CNTN1: variants seen among roughly 807,000 people sequenced by gnomAD.
CNTN1 encodes the protein contactin-1.
Under a neutral mutation model 126.4 loss-of-function variants are expected in CNTN1, and 38 were observed. The ratio of observed to expected loss-of-function variants is 0.30; its 90% CI spans 0.23 to 0.39. The LOEUF (loss-of-function observed/expected upper bound fraction) is 0.39, where lower values mean the gene tolerates loss of function less well. CNTN1 is among the 10% of genes least tolerant of loss of function. The pLI is 1.00. For synonymous variants in CNTN1, 413 were observed against 422.6 expected, an observed-to-expected ratio of 0.98 and a Z score of 0.28; for missense variants, 1,009 against 1,248.4, an observed-to-expected ratio of 0.81 and a Z score of 2.89.
At chr12:40,922,591 G>A (rs1436847254) in intron 5 of CNTN1, among the ~76,000 whole-genome samples, 163 bp downstream of exon 5, 1 of 152,098 alleles carries the variant, frequency 6.6e-6, no homozygotes, top group Non-Finnish European at 1.5e-5. Flanking sequence ...GCACCACAAG[G>A]CATACTATGA....
intron 1 of CNTN1, among the ~76,000 whole-genome samples, chr12:40,807,053 C>T (rs73114720): frequency 3.3e-5 from 5 of 151,944 alleles, no homozygotes; most frequent in South Asian, 2.1e-4. Flanking sequence ...AGCACAGGAA[C>T]GGTACAGAAT....
At position 41,014,260 on chromosome 12, in the gene CNTN1, G is replaced by A. The variant is rs1299674857; in HGVS notation, c.2146G>A (p.Gly716Arg). Residue 716 changes from glycine to arginine, a missense_variant, in exon 18 of 24, where the codon GGA (glycine) becomes AGA (arginine). Physicochemically the swap from Gly to Arg is moderately radical, Grantham distance 125 (BLOSUM62 -2). Transcript: ENST00000551295. ...PNVAPSDVGG[G>R]GGRNRELTIT... ...TGTGGCTCCTTCAGATGTAGGAGGT[G>A]GAGGTGGAAGAAACAGAGAGCTGAC... 1.6e-5 allele frequency: 26 copies of A among 1,613,964 alleles called. No homozygotes were observed. The highest frequency in any genetic ancestry group is 2.2e-5 in the South Asian group (2 of 91,078).
At chr12:40,879,259 C>A (rs1210681991) in intron 1 of CNTN1, among the ~76,000 whole-genome samples, 1 of 152,090 alleles carries the variant, frequency 6.6e-6, no homozygotes, top group Non-Finnish European at 1.5e-5. Flanking sequence ...CAGCTCTTTT[C>A]GAAAACCAGT....
Position 41,064,128 on chromosome 12 carries a change from C to G in CNTN1, c.2981-5831C>G, listed in dbSNP as rs188947439. On this transcript the variant is annotated intron_variant, in intron 23 of 23. Transcript: ENST00000551295. ...GGCAGAGCTTTCAGTTAGCCGAGATCGCGCCACTGCACTGCAGCCTGGGCG... is the reference window on the plus strand; with the variant it reads ...GGCAGAGCTTTCAGTTAGCCGAGATGGCGCCACTGCACTGCAGCCTGGGCG... Among the ~76,000 whole-genome samples, 18 of 149,698 alleles carry G rather than the reference C, an allele frequency of 1.2e-4. No homozygotes were observed. In the East Asian group the frequency reaches 3.2e-3, roughly 26 times the overall value.
At chr12:40,900,462 C>T (rs1944564993) in intron 1 of CNTN1, among the ~76,000 whole-genome samples, 1 of 151,942 alleles carries the variant, frequency 6.6e-6, no homozygotes, top group Non-Finnish European at 1.5e-5. Flanking sequence ...TGGTTAGGTG[C>T]CTTGTAAAGT....
chr12:40,940,438 G>C (rs1416890181), intron 12 of CNTN1, among the ~76,000 whole-genome samples: 1 of 152,028 alleles, frequency 6.6e-6, no homozygotes, highest in Admixed American at 6.6e-5. Flanking sequence ...AACAAGGGAG[G>C]ACAAGGATCA....
rs75574197 is a variant in CNTN1 at position 40,908,415 on chromosome 12, A to G, written c.-18A>G. 1.1e-5 allele frequency: 17 copies of G among 1,611,296 alleles called. No homozygotes were observed. Among genetic ancestry groups the G allele is most frequent in the Non-Finnish European group, 1.4e-5 (17 of 1,178,030 alleles). On this transcript the variant is annotated 5_prime_UTR_variant, in exon 2 of 24. Transcript: ENST00000551295. ...ATTCTTTTTTGGAAAATTGAACCGAACTTCTACTGAATACAAGATGAAAAT... is the reference window on the plus strand; with the variant it reads ...ATTCTTTTTTGGAAAATTGAACCGAGCTTCTACTGAATACAAGATGAAAAT...
chr12:40,791,739 C>T (rs376704668), intron 1 of CNTN1, among the ~76,000 whole-genome samples: 114 of 152,044 alleles, frequency 7.5e-4, no homozygotes, highest in East Asian at 2.1e-3. Context: ...TGTTAAGATA[C>T]GCAAAAATGG....
intron 1 of CNTN1, among the ~76,000 whole-genome samples, chr12:40,716,839 T>C (rs1057401235): frequency 2.0e-5 from 3 of 152,226 alleles, no homozygotes; most frequent in African/African-American, 7.2e-5. Flanking sequence ...AAGGAACCCA[T>C]GTAGAAATCA....
chr12:40,908,288 C>G, intron 1 of CNTN1, 69 bp from the exon 2 acceptor site: 1 of 608,772 alleles, frequency 1.6e-6, no homozygotes, highest in Non-Finnish European at 2.9e-6. Context: ...CTCCTCTCCT[C>G]CTCTCCCCTT....
intron 17 of CNTN1, among the ~76,000 whole-genome samples, chr12:41,006,592 C>T (rs1045154510): frequency 6.6e-6 from 1 of 152,224 alleles, no homozygotes; most frequent in Non-Finnish European, 1.5e-5. Flanking sequence ...AAAGAATTTA[C>T]ATAGCTAATA....
intron 1 of CNTN1, among the ~76,000 whole-genome samples, chr12:40,694,962 T>A (rs931923788): frequency 6.6e-6 from 1 of 152,216 alleles, no homozygotes; most frequent in Non-Finnish European, 1.5e-5. Context: ...CATAGGTATG[T>A]ATCAACTAAA....
intron 17 of CNTN1, among the ~76,000 whole-genome samples, chr12:40,994,429 C>T (rs962221316): frequency 4.6e-5 from 7 of 152,086 alleles, no homozygotes; most frequent in Admixed American, 4.6e-4. Context: ...TAGTATTTTT[C>T]TGCAATTTTA....
chr12:41,019,763 AT>A (rs1006475121), intron 19 of CNTN1, among the ~76,000 whole-genome samples: 15 of 151,924 alleles, frequency 9.9e-5, no homozygotes, highest in South Asian at 4.2e-4. Flanking sequence ...GCTCTTAAAA[AT>A]TTTTTTTTAA....
rs79719156 is a variant in CNTN1, at chr12:40,850,326, T to C, written c.-76-58031T>C. ...GTTTCTATAGACTAGGCCACAGTTATTTTTTCTTTCTCTTGATTTTTCAGA... is the reference window on the plus strand; with the variant it reads ...GTTTCTATAGACTAGGCCACAGTTACTTTTTCTTTCTCTTGATTTTTCAGA... On this transcript the variant is annotated intron_variant, in intron 1 of 23. Transcript: ENST00000551295. Among the ~76,000 whole-genome samples, 119 of 152,288 alleles carry C rather than the reference T, an allele frequency of 7.8e-4. No individual in the cohort carries two copies. The East Asian group carries it at 0.01, about 13-fold the overall frequency.
intron 14 of CNTN1, among the ~76,000 whole-genome samples, chr12:40,956,790 G>A (rs1946900909): frequency 6.6e-6 from 1 of 152,020 alleles, no homozygotes; most frequent in Non-Finnish European, 1.5e-5. Context: ...CTGCTTTTAT[G>A]GAGACAAGTG....
At chr12:41,035,583 C>T (rs1949241192) in intron 23 of CNTN1, among the ~76,000 whole-genome samples, 1 of 152,006 alleles carries the variant, frequency 6.6e-6, no homozygotes, top group Admixed American at 6.6e-5. Context: ...TTAATAAAAA[C>T]ACAAGGAAAA....
chr12:41,071,319 G>A lies in CNTN1; in HGVS notation c.*1284G>A, dbSNP rs1241464838. On this transcript the variant is annotated 3_prime_UTR_variant, in exon 24 of 24. Coordinates refer to ENST00000551295, the MANE Select transcript of CNTN1 (RefSeq NM_001843.4). ...GATGCACATTTCTTCATTCTCCATG[G>A]TGTGCATGGAAATGTGTTTGAGTGT... is the stretch of plus-strand genomic sequence containing the variant. 6.6e-6 allele frequency: 1 copy of A among 152,128 alleles called. No individual in the cohort carries two copies. Among genetic ancestry groups the A allele is most frequent in the Admixed American group, 6.6e-5 (1 of 15,264 alleles). The allele number at this position is 152,128 out of a possible 1,614,324, so 9.4% of individuals were successfully genotyped here.
chr12:40,729,504 C>T (rs1300225118), intron 1 of CNTN1: 1 of 209,760 alleles, frequency 4.8e-6, no homozygotes, highest in Admixed American at 4.6e-5. Flanking sequence ...TTTGTTCAGA[C>T]CACGTATGAG....
Sources: allele counts gnomAD v4.1 joint callset (sites outside exome capture counted in the v4.1 genomes callset), GRCh38; gene constraint gnomAD v4.1.1; transcripts MANE v1.5; gene names NCBI Gene and HGNC (gene_info 2026-07-23, HGNC 2026-07-21).